URI1: variants seen among roughly 807,000 people sequenced by gnomAD.
URI1 encodes unconventional prefoldin RPB5 interactor 1.
URI1 carries 39 observed loss-of-function variants against 60.2 expected under a neutral mutation model. That is an observed-to-expected ratio of 0.65 (90% CI 0.50 to 0.85). The LOEUF (loss-of-function observed/expected upper bound fraction) is 0.85. Among genes scored for constraint, URI1 ranks in the 40% least tolerant of loss-of-function variants. URI1 has a pLI of 0.00. For missense variants in URI1, 691 were observed against 665.9 expected (o/e 1.04, Z -0.42); for synonymous variants, 251 against 236.8 (o/e 1.06, Z -0.55).
rs79793245 is a variant in URI1 at position 29,965,480 on chromosome 19, C to G, written c.118-5713C>G. 2.6e-3 allele frequency among the ~76,000 whole-genome samples: 389 copies of G among 152,314 alleles called. 2 individuals carry two copies. The highest frequency in any genetic ancestry group is 4.3e-3 in the Non-Finnish European group (293 of 68,012). On this transcript the variant is annotated intron_variant, in intron 1 of 10. Coordinates refer to ENST00000392271, the MANE Select transcript of URI1 (RefSeq NM_003796.3). ...GAAAAGCACTGAAAACACAGTTATT[C>G]TTAAGTTTATGGCATATTCATTGTT...
intron 2 of URI1, 111 bp downstream of exon 2, chr19:29,971,338 G>A (rs889441747): frequency 4.2e-5 from 44 of 1,056,574 alleles, no homozygotes; most frequent in Non-Finnish European, 6.0e-5. Flanking sequence ...ACTAGTAATT[G>A]AATTCTTCTA....
chr19:30,001,671 G>A lies in URI1; in HGVS notation c.368-3690G>A, dbSNP rs2055880085. ...CTCTCAAGTGAATTGCCTTTTCCAGGTCCGATATCCCAGATCGACTTGTAG... is the reference window on the plus strand; with the variant it reads ...CTCTCAAGTGAATTGCCTTTTCCAGATCCGATATCCCAGATCGACTTGTAG... On this transcript the variant is annotated intron_variant, in intron 4 of 10. Transcript: ENST00000392271. Among the ~76,000 whole-genome samples the A allele has an allele frequency of 2.6e-5, 4 of 151,798 alleles. No homozygotes were observed. In the South Asian group the frequency reaches 8.3e-4, roughly 32 times the overall value.
chr19:29,932,643 C>T (rs922994533), intron 1 of URI1, among the ~76,000 whole-genome samples: 3 of 108,978 alleles, frequency 2.8e-5, no homozygotes, highest in Non-Finnish European at 5.4e-5. Context: ...GTGGTTTTCC[C>T]CCCTTCATTC....
At chr19:29,980,973 T>TTA (rs2055590405) in intron 2 of URI1, among the ~76,000 whole-genome samples, 1 of 151,480 alleles carries the variant, frequency 6.6e-6, no homozygotes, top group Non-Finnish European at 1.5e-5. Flanking sequence ...CTGTCTATTT[T>TTA]AACTTCTTAC....
At chr19:29,958,951 G>A (rs1306936532) in intron 1 of URI1, among the ~76,000 whole-genome samples, 8 of 62,830 alleles carry the variant, frequency 1.3e-4, no homozygotes, top group South Asian at 5.9e-4. Flanking sequence ...GTGAGACTCC[G>A]TCTCAAAAAA....
At chr19:30,005,782 T>C (rs2055935056) in intron 6 of URI1, 74 bp downstream of exon 6, 1 of 1,382,010 alleles carries the variant, frequency 7.2e-7, no homozygotes, top group Non-Finnish European at 1.0e-6. Context: ...GGGCTTTCTG[T>C]GAGATATTTG....
chr19:29,939,881 G>A (rs1200361329), upstream of URI1, among the ~76,000 whole-genome samples: 1 of 152,120 alleles, frequency 6.6e-6, no homozygotes, highest in Non-Finnish European at 1.5e-5. Context: ...AGGTGGGGAA[G>A]GTGGGTCCGA....
At chr19:29,976,842 C>T (rs1395893596) in intron 2 of URI1, among the ~76,000 whole-genome samples, 1 of 152,102 alleles carries the variant, frequency 6.6e-6, no homozygotes, top group Non-Finnish European at 1.5e-5. Flanking sequence ...TTACATGAAA[C>T]AGACTTAAAT....
At chr19:30,001,675 G>A (rs576956756) in intron 4 of URI1, among the ~76,000 whole-genome samples, 10 of 151,892 alleles carry the variant, frequency 6.6e-5, no homozygotes, top group South Asian at 2.1e-4. Flanking sequence ...TTCCAGGTCC[G>A]ATATCCCAGA....
intron 1 of URI1, among the ~76,000 whole-genome samples, chr19:29,950,693 CAAG>C (rs2055169024): frequency 6.6e-6 from 1 of 152,124 alleles, no homozygotes; most frequent in African/African-American, 2.4e-5. Context: ...TTTTTACACT[CAAG>C]AAATTAACAT....
intron 4 of URI1, 56 bp downstream of exon 4, chr19:29,986,473 T>C: frequency 6.4e-7 from 1 of 1,564,096 alleles, no homozygotes; most frequent in African/African-American, 1.4e-5. Context: ...ATTCACAGAT[T>C]GCCAAGCTGA....
chr19:29,947,212 T>C (rs987828674), intron 1 of URI1, among the ~76,000 whole-genome samples: 8 of 152,212 alleles, frequency 5.3e-5, no homozygotes, highest in African/African-American at 1.9e-4. Flanking sequence ...TTGGAATGTG[T>C]TTTGAGGCTG....
intron 1 of URI1, 44 bp from the exon 2 acceptor site, chr19:29,971,149 C>T (rs367617003): frequency 9.4e-6 from 15 of 1,598,252 alleles, no homozygotes; most frequent in African/African-American, 1.3e-5. Flanking sequence ...TAGCTCTGTG[C>T]ATAGCTCTGT....
intron 4 of URI1, among the ~76,000 whole-genome samples, chr19:29,998,828 G>C (rs537358899): frequency 6.6e-6 from 1 of 152,060 alleles, no homozygotes; most frequent in Non-Finnish European, 1.5e-5. Context: ...ACTGATGGGG[G>C]AAAGACTTTC....
At chr19:29,931,818 T>C (rs1196590235) in intron 1 of URI1, among the ~76,000 whole-genome samples, 1 of 152,132 alleles carries the variant, frequency 6.6e-6, no homozygotes, top group South Asian at 2.1e-4. Flanking sequence ...TGTTTCCTAC[T>C]ACTTAGAAAT....
At chr19:29,961,139 C>T (rs2055318115) in intron 1 of URI1, among the ~76,000 whole-genome samples, 1 of 151,874 alleles carries the variant, frequency 6.6e-6, no homozygotes, top group Admixed American at 6.6e-5. Context: ...GGGAAATAGG[C>T]ATGAGCTACC....
chr19:30,007,899 G>A (rs1194440425), intron 7 of URI1, among the ~76,000 whole-genome samples: 1 of 151,636 alleles, frequency 6.6e-6, no homozygotes, highest in African/African-American at 2.4e-5. Flanking sequence ...TTTTATTATG[G>A]CCTATTTTAT....
intron 1 of URI1, among the ~76,000 whole-genome samples, chr19:29,946,450 A>G (rs2055104079): frequency 6.6e-6 from 1 of 152,192 alleles, no homozygotes; most frequent in African/African-American, 2.4e-5. Flanking sequence ...GTAATATTTT[A>G]AAAAGTGGTG....
At chr19:29,935,948 G>C (rs1212555667) in intron 1 of URI1, among the ~76,000 whole-genome samples, 1 of 151,784 alleles carries the variant, frequency 6.6e-6, no homozygotes, top group African/African-American at 2.4e-5. Context: ...CACCACGCCT[G>C]GCTAGTTTTT....
Sources: allele counts gnomAD v4.1 joint callset (sites outside exome capture counted in the v4.1 genomes callset), GRCh38; gene constraint gnomAD v4.1.1; transcripts MANE v1.5; gene names NCBI Gene and HGNC (gene_info 2026-07-23, HGNC 2026-07-21).